The following IMMP2L variants were observed in gnomAD, a reference collection of about 807,000 sequenced individuals.
IMMP2L encodes the protein inner mitochondrial membrane peptidase subunit 2.
Under a neutral mutation model 19.3 loss-of-function variants are expected in IMMP2L, and 18 were observed. The observed-to-expected ratio is 0.93, with a 90% CI of 0.64 to 1.38. The LOEUF (loss-of-function observed/expected upper bound fraction) is 1.38, where lower values mean the gene tolerates loss of function less well. Ranked by LOEUF, IMMP2L falls within the 40% of genes most tolerant of loss-of-function variation. IMMP2L has a pLI of 0.00. For missense variants in IMMP2L, 233 were observed against 218.2 expected (o/e 1.07, Z -0.43); for synonymous variants, 76 against 73.0 (o/e 1.04, Z -0.21).
chr7:110,720,785 T>C (rs1795517979), intron 5 of IMMP2L, among the ~76,000 whole-genome samples: 1 of 152,160 alleles, frequency 6.6e-6, no homozygotes, highest in African/African-American at 2.4e-5. Context: ...GTTCTGCCTA[T>C]GCTTTTAAAA....
At chr7:110,797,394 AATT>A (rs1414180896) in intron 5 of IMMP2L, among the ~76,000 whole-genome samples, 1 of 151,986 alleles carries the variant, frequency 6.6e-6, no homozygotes, top group Non-Finnish European at 1.5e-5. Flanking sequence ...TTCAAGAATA[AATT>A]ATTAATGGAA....
At chr7:111,485,501 A>G (rs1421083112) in intron 3 of IMMP2L, among the ~76,000 whole-genome samples, 3 of 148,336 alleles carry the variant, frequency 2.0e-5, no homozygotes, top group African/African-American at 7.4e-5. Context: ...AGGAGGCTGA[A>G]GCAGGAGAAT....
At chr7:110,878,997 T>C (rs1373907360) in intron 5 of IMMP2L, among the ~76,000 whole-genome samples, 13 of 152,208 alleles carry the variant, frequency 8.5e-5, no homozygotes. Context: ...TAGACCTCCA[T>C]GCCTTAGGCC....
chr7:110,883,503 A>G (rs978606148), intron 5 of IMMP2L, among the ~76,000 whole-genome samples: 2 of 152,160 alleles, frequency 1.3e-5, no homozygotes, highest in African/African-American at 4.8e-5. Context: ...TATAACTTGA[A>G]GTTTCCATTC....
At position 111,005,930 on chromosome 7, in the gene IMMP2L, T is replaced by C. The variant is rs184478272; in HGVS notation, c.240-42365A>G. On this transcript the variant is annotated intron_variant, in intron 3 of 5. Transcript: ENST00000405709. The stretch of plus-strand genomic sequence containing the variant: ...TGGAACACTGGTGAACAAAGGAATA[T>C]GAGGCAAAGAGCAGAAACTAATTTC... Among the ~76,000 whole-genome samples the C allele has an allele frequency of 2.6e-5, 4 of 152,110 alleles. No individual in the cohort carries two copies. The East Asian group carries it at 7.8e-4, about 30-fold the overall frequency.
intron 3 of IMMP2L, among the ~76,000 whole-genome samples, chr7:111,016,858 TATAA>T (rs1825716385): frequency 1.1e-5 from 1 of 88,616 alleles, no homozygotes; most frequent in African/African-American, 4.7e-5. Flanking sequence ...ATATATATTA[TATAA>T]TATATTACAT....
chr7:110,695,233 C>G (rs1415602901), intron 5 of IMMP2L, among the ~76,000 whole-genome samples: 1 of 152,066 alleles, frequency 6.6e-6, no homozygotes, highest in Non-Finnish European at 1.5e-5. Context: ...GCTCTGTTGC[C>G]CAGGCTGTAG....
intron 3 of IMMP2L, among the ~76,000 whole-genome samples, chr7:111,324,542 T>C (rs1318655369): frequency 1.3e-5 from 2 of 151,884 alleles, no homozygotes; most frequent in East Asian, 1.9e-4. Context: ...CTATAAAACA[T>C]GAAGGCATGT....
At chr7:111,021,184 A>G (rs1826238569) in intron 3 of IMMP2L, among the ~76,000 whole-genome samples, 1 of 152,212 alleles carries the variant, frequency 6.6e-6, no homozygotes, top group Admixed American at 6.5e-5. Context: ...AAGAGACTTG[A>G]GTTATAGGTT....
At chr7:110,746,738 G>A (rs2130896489) in intron 5 of IMMP2L, among the ~76,000 whole-genome samples, 1 of 152,308 alleles carries the variant, frequency 6.6e-6, no homozygotes, top group African/African-American at 2.4e-5. Context: ...GAATCTCTGG[G>A]ACACATGTAA....
intron 3 of IMMP2L, among the ~76,000 whole-genome samples, chr7:111,396,421 G>A (rs920123529): frequency 3.9e-5 from 6 of 152,082 alleles, no homozygotes; most frequent in African/African-American, 1.4e-4. Flanking sequence ...AAAACCACAT[G>A]TTCTCACTCA....
intron 3 of IMMP2L, among the ~76,000 whole-genome samples, chr7:111,275,482 G>A (rs973777488): frequency 6.6e-6 from 1 of 152,138 alleles, no homozygotes; most frequent in Non-Finnish European, 1.5e-5. Context: ...GTGGGGGACT[G>A]GTGAAGGAAA....
At chr7:111,109,698 G>A (rs1244252848) in intron 3 of IMMP2L, among the ~76,000 whole-genome samples, 1 of 152,136 alleles carries the variant, frequency 6.6e-6, no homozygotes, top group African/African-American at 2.4e-5. Context: ...AGGATTATTA[G>A]GGGAATCAGA....
At chr7:110,787,504 T>C (rs1800165618) in intron 5 of IMMP2L, among the ~76,000 whole-genome samples, 1 of 151,948 alleles carries the variant, frequency 6.6e-6, no homozygotes, top group African/African-American at 2.4e-5. Context: ...AAGGACAATC[T>C]TGGTACTAGA....
chr7:111,198,337 A>G (rs1311770782), intron 3 of IMMP2L, among the ~76,000 whole-genome samples: 1 of 152,204 alleles, frequency 6.6e-6, no homozygotes, highest in Non-Finnish European at 1.5e-5. Context: ...GCTCTCGGTC[A>G]TATTCCTGGC....
chr7:111,401,917 G>A (rs749059051), intron 3 of IMMP2L, among the ~76,000 whole-genome samples: 3 of 151,846 alleles, frequency 2.0e-5, no homozygotes, highest in African/African-American at 7.3e-5. Context: ...TTCTCTGAGA[G>A]ACTGTTTATC....
chr7:110,699,975 C>G (rs938280064), intron 5 of IMMP2L, among the ~76,000 whole-genome samples: 4 of 152,084 alleles, frequency 2.6e-5, no homozygotes, highest in Admixed American at 1.3e-4. Flanking sequence ...CTTATACAGT[C>G]CATAGCCCCA....
intron 5 of IMMP2L, among the ~76,000 whole-genome samples, chr7:110,794,266 T>C (rs866038234): frequency 2.0e-5 from 3 of 152,090 alleles, no homozygotes; most frequent in Non-Finnish European, 2.9e-5. Flanking sequence ...CTTGAGCAGA[T>C]GAATAGATTT....
chr7:111,273,539 A>G (rs1818703244), intron 3 of IMMP2L, among the ~76,000 whole-genome samples: 1 of 152,100 alleles, frequency 6.6e-6, no homozygotes, highest in Admixed American at 6.5e-5. Flanking sequence ...TGCCATGGGT[A>G]TGGGGTCATC....
Sources: allele counts gnomAD v4.1 joint callset (sites outside exome capture counted in the v4.1 genomes callset), GRCh38; gene constraint gnomAD v4.1.1; transcripts MANE v1.5; gene names NCBI Gene and HGNC (gene_info 2026-07-23, HGNC 2026-07-21).